Variants in KDM4C observed in about 807,000 individuals in gnomAD.
KDM4C encodes lysine-specific demethylase 4C.
Under a neutral mutation model 129.3 loss-of-function variants are expected in KDM4C, and 81 were observed. The ratio of observed to expected loss-of-function variants is 0.63; its 90% CI spans 0.52 to 0.75. KDM4C has a LOEUF of 0.75. Ranked by LOEUF, KDM4C falls within the 30% of genes least tolerant of loss-of-function variation. The pLI, the probability that KDM4C is intolerant of heterozygous loss-of-function variation, is 0.00. For synonymous variants in KDM4C, 573 were observed against 456.1 expected, an observed-to-expected ratio of 1.26 and a Z score of -3.26; for missense variants, 1,457 against 1,304.0, an observed-to-expected ratio of 1.12 and a Z score of -1.81.
At chr9:7,163,835 G>C (rs1047526322) in intron 19 of KDM4C, among the ~76,000 whole-genome samples, 1 of 152,164 alleles carries the variant, frequency 6.6e-6, no homozygotes, top group African/African-American at 2.4e-5. Context: ...ATTTGGCTAA[G>C]TTAGATGCAT....
At chr9:6,957,958 G>A (rs1402957113) in intron 8 of KDM4C, among the ~76,000 whole-genome samples, 1 of 152,162 alleles carries the variant, frequency 6.6e-6, no homozygotes, top group African/African-American at 2.4e-5. Context: ...CCGTGTTTGA[G>A]GGCCATGGAG....
intron 5 of KDM4C, among the ~76,000 whole-genome samples, chr9:6,862,814 A>ACAAACAAAC (rs1310246996): frequency 6.8e-6 from 1 of 148,120 alleles, no homozygotes; most frequent in Admixed American, 6.7e-5. Flanking sequence ...CTCAAAACAA[A>ACAAACAAAC]CAAACAAACA....
At chr9:6,848,143 C>T (rs1427344426) in intron 4 of KDM4C, among the ~76,000 whole-genome samples, 2 of 152,032 alleles carry the variant, frequency 1.3e-5, no homozygotes, top group African/African-American at 2.4e-5. Flanking sequence ...ATCTGCTTTC[C>T]TCAGCCTCCC....
chr9:6,819,240 A>C (rs1422498397), intron 4 of KDM4C, among the ~76,000 whole-genome samples: 14 of 152,202 alleles, frequency 9.2e-5, no homozygotes, highest in Admixed American at 9.2e-4. Context: ...ATAAGCATTG[A>C]CTGTAAAGAT....
chr9:7,091,622 C>G (rs546530167), intron 17 of KDM4C, among the ~76,000 whole-genome samples: 2 of 152,208 alleles, frequency 1.3e-5, no homozygotes, highest in Non-Finnish European at 2.9e-5. Context: ...CAAAATACTT[C>G]AAAGTCCTGG....
intron 8 of KDM4C, among the ~76,000 whole-genome samples, chr9:6,959,173 T>C (rs1829617188): frequency 1.3e-5 from 2 of 152,122 alleles, no homozygotes; most frequent in Non-Finnish European, 2.9e-5. Flanking sequence ...TTAAAAGAAG[T>C]AGGTGAGAAG....
At chr9:6,889,252 G>GTGTGTGTGAGT in intron 7 of KDM4C, among the ~76,000 whole-genome samples, 1 of 75,068 alleles carries the variant, frequency 1.3e-5, no homozygotes, top group South Asian at 5.5e-4. Context: ...TGTGTGTGTG[G>GTGTGTGTGAGT]GAGGGTGGGG....
At chr9:6,869,744 C>A (rs1842579460) in intron 5 of KDM4C, among the ~76,000 whole-genome samples, 1 of 152,206 alleles carries the variant, frequency 6.6e-6, no homozygotes, top group Non-Finnish European at 1.5e-5. Context: ...GGGGAGGGAA[C>A]CTGAACTCAT....
intron 12 of KDM4C, among the ~76,000 whole-genome samples, chr9:7,006,766 A>T (rs528897178): frequency 6.6e-6 from 1 of 152,058 alleles, no homozygotes; most frequent in Non-Finnish European, 1.5e-5. Flanking sequence ...TTTGTCCTCG[A>T]GTTTTTAATT....
chr9:7,165,152 A>C, intron 19 of KDM4C, 86 bp from the exon 20 acceptor site: 1 of 1,509,554 alleles, frequency 6.6e-7, no homozygotes, highest in Non-Finnish European at 9.0e-7. Context: ...ACTCCTTTTA[A>C]TTGCCAGGAG....
chr9:7,001,822 A>C (rs780919184), intron 12 of KDM4C, among the ~76,000 whole-genome samples: 7 of 151,402 alleles, frequency 4.6e-5, no homozygotes, highest in Non-Finnish European at 8.8e-5. Flanking sequence ...TTGTTTTGCC[A>C]TCTTTTGACT....
intron 17 of KDM4C, among the ~76,000 whole-genome samples, chr9:7,072,170 G>A (rs905679851): frequency 1.2e-4 from 19 of 152,152 alleles, no homozygotes; most frequent in Admixed American, 3.9e-4. Flanking sequence ...TGATGCTGAC[G>A]TTTAGCAACT....
chr9:6,772,752 G>C (rs567637582), intron 1 of KDM4C, among the ~76,000 whole-genome samples: 32 of 149,946 alleles, frequency 2.1e-4, no homozygotes, highest in African/African-American at 6.6e-4. Flanking sequence ...GAGTGAAGTG[G>C]CGCCATCTTG....
intron 15 of KDM4C, among the ~76,000 whole-genome samples, chr9:7,023,702 T>A (rs1586988181): frequency 6.6e-6 from 1 of 152,284 alleles, no homozygotes; most frequent in Non-Finnish European, 1.5e-5. Flanking sequence ...GCTTTTGTAG[T>A]TTTTTAAGAT....
chr9:7,166,849 G>C (rs1844439748), intron 20 of KDM4C, among the ~76,000 whole-genome samples: 1 of 152,074 alleles, frequency 6.6e-6, no homozygotes. Context: ...CATATTTATA[G>C]ACTCAATGAA....
chr9:6,924,690 C>A (rs932768579), intron 8 of KDM4C: 5 of 826,172 alleles, frequency 6.1e-6, no homozygotes, highest in Non-Finnish European at 7.3e-6. Context: ...GCTGGGGTAC[C>A]GATGCATAAT....
chr9:7,056,368 T>A (rs1437061788), intron 17 of KDM4C, among the ~76,000 whole-genome samples: 1 of 150,916 alleles, frequency 6.6e-6, no homozygotes, highest in Non-Finnish European at 1.5e-5. Context: ...AAAAAGTACA[T>A]TAGTAGCTGT....
intron 8 of KDM4C, among the ~76,000 whole-genome samples, chr9:6,909,780 C>A (rs2131066526): frequency 6.6e-6 from 1 of 151,820 alleles, no homozygotes; most frequent in African/African-American, 2.4e-5. Context: ...GATTTCTGTC[C>A]CGCTAAAAAA....
chr9:6,858,963 A>C (rs368127247), intron 5 of KDM4C, among the ~76,000 whole-genome samples: 1 of 152,018 alleles, frequency 6.6e-6, no homozygotes, highest in Admixed American at 6.6e-5. Flanking sequence ...CCCATAGTAT[A>C]TAGGAAAGTG....
Sources: allele counts gnomAD v4.1 joint callset (sites outside exome capture counted in the v4.1 genomes callset), GRCh38; gene constraint gnomAD v4.1.1; transcripts MANE v1.5; gene names NCBI Gene and HGNC (gene_info 2026-07-23, HGNC 2026-07-21).